Variants in SBF2 observed in about 807,000 individuals in gnomAD.
SBF2 encodes the protein myotubularin-related protein 13.
SBF2 carries 112 observed loss-of-function variants against 225.2 expected under a neutral mutation model. That is an observed-to-expected ratio of 0.50 (90% CI 0.43 to 0.58). The LOEUF (loss-of-function observed/expected upper bound fraction) is 0.58. Ranked by LOEUF, SBF2 falls within the 20% of genes least tolerant of loss-of-function variation. The pLI, the probability that SBF2 is intolerant of heterozygous loss-of-function variation, is 0.00. For missense variants in SBF2, 1,996 were observed against 2,206.2 expected, an observed-to-expected ratio of 0.90 and a Z score of 1.91; for synonymous variants, 763 against 773.3, an observed-to-expected ratio of 0.99 and a Z score of 0.22.
At chr11:9,958,772 T>C (rs1228113611) in intron 16 of SBF2, 2 of 486,312 alleles carry the variant, frequency 4.1e-6, no homozygotes, top group Non-Finnish European at 8.1e-6. Flanking sequence ...CAACTCCGGT[T>C]TGAGAAGACA....
intron 32 of SBF2, among the ~76,000 whole-genome samples, chr11:9,800,383 A>T (rs527271725): frequency 5.9e-5 from 9 of 152,140 alleles, no homozygotes; most frequent in Non-Finnish European, 1.3e-4. Flanking sequence ...AGGGATTTTT[A>T]AAAAGTATTT....
Position 10,031,175 on chromosome 11 carries a change from A to G in SBF2, c.280-5T>C, listed in dbSNP as rs368118378. 5.1e-5 allele frequency: 82 copies of G among 1,612,844 alleles called. No homozygotes were observed. The highest frequency in any genetic ancestry group is 1.3e-5 in the African/African-American group (1 of 74,890). On this transcript the variant is annotated splice_region_variant and splice_polypyrimidine_tract_variant and intron_variant, in intron 3 of 39. Transcript: ENST00000256190. Reference sequence around the variant, plus strand: ...AATCTCTTCCTTCTTTGTTCCCTAGAAAAAGAGACACTGAAATCAACAAAC... The same window carrying G: ...AATCTCTTCCTTCTTTGTTCCCTAGGAAAAGAGACACTGAAATCAACAAAC...
intron 1 of SBF2, among the ~76,000 whole-genome samples, chr11:10,225,047 G>T (rs1477528957): frequency 6.6e-6 from 1 of 152,024 alleles, no homozygotes; most frequent in Admixed American, 6.6e-5. Flanking sequence ...GGAGATAGAG[G>T]GGTATGAGGA....
chr11:9,780,671 CT>C, intron 39 of SBF2, 155 bp from the exon 40 acceptor site: 1 of 699,600 alleles, frequency 1.4e-6, no homozygotes, highest in Non-Finnish European at 2.6e-6. Flanking sequence ...CTGTTATTGC[CT>C]TTACTTTTGT....
At chr11:10,063,866 G>C (rs1020578801) in intron 2 of SBF2, among the ~76,000 whole-genome samples, 11 of 150,160 alleles carry the variant, frequency 7.3e-5, no homozygotes, top group African/African-American at 1.5e-4. Flanking sequence ...CACAGAGAGA[G>C]AGAGAGAGAG....
chr11:9,876,520 C>T (rs1230494278), intron 17 of SBF2, among the ~76,000 whole-genome samples: 2 of 152,028 alleles, frequency 1.3e-5, no homozygotes, highest in Admixed American at 1.3e-4. Flanking sequence ...CTTGCTCTTG[C>T]TCTCTCTCTC....
At chr11:9,870,757 C>T (rs965680687) in intron 17 of SBF2, among the ~76,000 whole-genome samples, 6 of 152,082 alleles carry the variant, frequency 3.9e-5, no homozygotes, top group Non-Finnish European at 8.8e-5. Flanking sequence ...GGGTGGAGCA[C>T]AAAGTCAGGA....
chr11:9,875,273 T>C (rs1014317645), intron 17 of SBF2, among the ~76,000 whole-genome samples: 31 of 152,324 alleles, frequency 2.0e-4, no homozygotes, highest in African/African-American at 7.5e-4. Flanking sequence ...TAAGAATAAA[T>C]AGCTATAAAG....
intron 13 of SBF2, among the ~76,000 whole-genome samples, chr11:9,974,656 A>AG (rs1396592028): frequency 8.2e-6 from 1 of 122,650 alleles, no homozygotes; most frequent in African/African-American, 3.2e-5. Context: ...AACACCGCCC[A>AG]AAAAAAAAAA....
At chr11:9,934,632 G>T (rs1864745888) in intron 16 of SBF2, among the ~76,000 whole-genome samples, 1 of 152,100 alleles carries the variant, frequency 6.6e-6, no homozygotes, top group South Asian at 2.1e-4. Context: ...TTCATCCCTG[G>T]GGTGCAAGGC....
chr11:10,140,263 G>A (rs769836558), intron 2 of SBF2, among the ~76,000 whole-genome samples: 1 of 152,178 alleles, frequency 6.6e-6, no homozygotes, highest in African/African-American at 2.4e-5. Context: ...AGAGCCTCCG[G>A]TTGGGGAATG....
Position 9,968,359 on chromosome 11 carries a change from G to A in SBF2, c.1582C>T (p.Pro528Ser). The A allele has an allele frequency of 6.2e-7, 1 of 1,613,962 alleles. No individual in the cohort carries two copies. The highest frequency in any genetic ancestry group is 8.5e-7 in the Non-Finnish European group (1 of 1,179,922). ...ATRIEKKCVV[P>S]AGPPVVSIMD... Reference sequence around the variant, plus strand: ...TACATACCAACAGGTGGACCTGCTGGCACAACACATTTCTTTTCTATTCGT... The same window carrying A: ...TACATACCAACAGGTGGACCTGCTGACACAACACATTTCTTTTCTATTCGT... The change falls in exon 14 of 40, where the codon CCA (proline) becomes TCA (serine). Residue 528 changes from proline to serine, a missense_variant. By Grantham distance (74) the Pro-to-Ser change is moderately conservative. Coordinates refer to ENST00000256190, the MANE Select transcript of SBF2 (RefSeq NM_030962.4).
At chr11:10,205,258 T>C (rs552907088) in intron 1 of SBF2, among the ~76,000 whole-genome samples, 2 of 152,182 alleles carry the variant, frequency 1.3e-5, no homozygotes, top group East Asian at 1.9e-4. Flanking sequence ...CACTGCATTT[T>C]ACATTTTAAA....
intron 18 of SBF2, among the ~76,000 whole-genome samples, chr11:9,857,006 C>G (rs1215132243): frequency 2.0e-5 from 3 of 152,148 alleles, no homozygotes; most frequent in Non-Finnish European, 4.4e-5. Flanking sequence ...CCAGGATGGT[C>G]TCGATCTCCT....
chr11:9,879,858 C>CG (rs1156466076), intron 17 of SBF2, among the ~76,000 whole-genome samples: 1 of 151,858 alleles, frequency 6.6e-6, no homozygotes, highest in African/African-American at 2.4e-5. Flanking sequence ...CCAAGATGGG[C>CG]GGATCACTTG....
At chr11:9,959,456 G>GTT (rs1298714824) in intron 16 of SBF2, 2 of 1,040,714 alleles carry the variant, frequency 1.9e-6, no homozygotes, top group Non-Finnish European at 3.0e-6. Flanking sequence ...TCCCTTATCC[G>GTT]TTTACAGGTG....
upstream of SBF2, among the ~76,000 whole-genome samples, chr11:10,295,950 AT>A (rs1006559738): frequency 1.3e-5 from 2 of 152,234 alleles, no homozygotes; most frequent in African/African-American, 4.8e-5. Flanking sequence ...AATTAAGTAC[AT>A]TCCCAATGCT....
chr11:9,987,511 T>C (rs1947253037), intron 13 of SBF2, among the ~76,000 whole-genome samples: 3 of 152,124 alleles, frequency 2.0e-5, no homozygotes, highest in Admixed American at 6.6e-5. Flanking sequence ...ATCATTTACC[T>C]TGAAAACCCC....
intron 19 of SBF2, among the ~76,000 whole-genome samples, chr11:9,855,924 A>G (rs1446757973): frequency 6.6e-6 from 1 of 152,170 alleles, no homozygotes; most frequent in African/African-American, 2.4e-5. Flanking sequence ...GAGCAGGGAG[A>G]CCAGTTTGGT....
Sources: gnomAD v4.1 joint callset for allele counts (sites outside exome capture counted in the v4.1 genomes callset) on GRCh38, gnomAD v4.1.1 for gene constraint, MANE v1.5 for transcripts, NCBI Gene and HGNC (gene_info 2026-07-23, HGNC 2026-07-21) for gene names.